The following DHTKD1 variants were observed in gnomAD, a reference collection of about 807,000 sequenced individuals.
DHTKD1 encodes 2-oxoadipate dehydrogenase complex component E1.
A neutral mutation model predicts 101.8 loss-of-function variants in DHTKD1; 78 were observed. The ratio of observed to expected loss-of-function variants is 0.77; its 90% CI spans 0.64 to 0.93. DHTKD1 has a LOEUF of 0.93. Ranked by LOEUF, DHTKD1 falls within the 40% of genes least tolerant of loss-of-function variation. DHTKD1 has a pLI of 0.00. For missense variants in DHTKD1, 1,223 were observed against 1,161.7 expected (o/e 1.05, Z -0.77); for synonymous variants, 462 against 450.3 (o/e 1.03, Z -0.33).
chr10:12,108,540 A>C (rs2131621358), intron 12 of DHTKD1, among the ~76,000 whole-genome samples: 1 of 152,276 alleles, frequency 6.6e-6, no homozygotes, highest in Non-Finnish European at 1.5e-5. Context: ...TCAGCTTCCC[A>C]AAGTGCTGGG....
At chr10:12,120,042 T>C in intron 15 of DHTKD1, 140 bp from the exon 16 acceptor site, 2 of 657,476 alleles carry the variant, frequency 3.0e-6, no homozygotes, top group East Asian at 2.6e-5. Context: ...TATGGGTACT[T>C]GAAGTACAGT....
intron 1 of DHTKD1, among the ~76,000 whole-genome samples, chr10:12,075,060 G>A (rs1360276898): frequency 2.0e-5 from 3 of 152,100 alleles, no homozygotes; most frequent in African/African-American, 4.8e-5. Flanking sequence ...GCAGTGAGCC[G>A]AGATGGTGCC....
At chr10:12,094,854 T>A (rs1833044811) in intron 7 of DHTKD1, among the ~76,000 whole-genome samples, 1 of 151,808 alleles carries the variant, frequency 6.6e-6, no homozygotes, top group Admixed American at 6.6e-5. Context: ...TTGGCTAGGC[T>A]GGTCTCAAAC....
At chr10:12,120,599 G>C (rs1833512345) in intron 16 of DHTKD1, among the ~76,000 whole-genome samples, 188 bp from the exon 17 acceptor site, 1 of 152,046 alleles carries the variant, frequency 6.6e-6, no homozygotes, top group South Asian at 2.1e-4. Context: ...GCCTCCCAAA[G>C]CGCTGGGATT....
At chr10:12,108,250 C>G (rs1056182776) in intron 12 of DHTKD1, among the ~76,000 whole-genome samples, 1 of 152,238 alleles carries the variant, frequency 6.6e-6, no homozygotes, top group South Asian at 2.1e-4. Flanking sequence ...TTATACCAGG[C>G]TGATCATCAG....
Position 12,094,214 on chromosome 10 carries a change from G to A in DHTKD1, c.1301G>A (p.Gly434Asp), listed in dbSNP as rs1833034843. Residue 434 changes from glycine to aspartate, a missense_variant, in exon 7 of 17, where the codon GGC becomes GAC. By Grantham distance (94) the Gly-to-Asp change is moderately conservative. Transcript: ENST00000263035. ...IIDLLCYRQW[G>D]HNELDEPFYT... is the part of the protein sequence containing the mutation. ...GATCTGTTGTGCTACAGGCAGTGGG[G>A]CCACAATGAGCTGGATGAGCCATTC... is the stretch of plus-strand genomic sequence containing the variant. 22 of 1,614,000 alleles carry A rather than the reference G, an allele frequency of 1.4e-5. No homozygotes were observed. The highest frequency in any genetic ancestry group is 1.9e-5 in the Non-Finnish European group (22 of 1,180,038).
chr10:12,078,342 C>T (rs1328676262), intron 1 of DHTKD1, among the ~76,000 whole-genome samples: 1 of 151,892 alleles, frequency 6.6e-6, no homozygotes, highest in Non-Finnish European at 1.5e-5. Flanking sequence ...GGAGAATTGC[C>T]TGAACCTGGG....
chr10:12,106,047 A>G (rs1217082717), intron 10 of DHTKD1, among the ~76,000 whole-genome samples, 199 bp from the exon 11 acceptor site: 1 of 152,180 alleles, frequency 6.6e-6, no homozygotes, highest in Non-Finnish European at 1.5e-5. Context: ...GTGAGCCGAG[A>G]TGGAGCCATT....
In DHTKD1 at chr10:12,069,175, G is replaced by C; in HGVS notation, c.142G>C (p.Glu48Gln). The change falls in exon 1 of 17, where the codon GAG becomes CAG. Residue 48 changes from glutamate (E) to glutamine (Q), a missense_variant. By Grantham distance (29) the Glu-to-Gln change is conservative (BLOSUM62 2). Transcript: ENST00000263035. ...PESREPQGALERPPVDHGLAR... is the reference protein window; with the variant it reads ...PESREPQGALQRPPVDHGLAR... ...GAGCCGCGAGCCCCAGGGCGCCCTG[G>C]AGCGCCCCCCAGGTCGGGGATGGGG... 6.4e-7 allele frequency: 1 copy of C among 1,554,814 alleles called. No individual in the cohort carries two copies.
chr10:12,108,110 A>G, intron 12 of DHTKD1, 95 bp downstream of exon 12: 1 of 832,006 alleles, frequency 1.2e-6, no homozygotes, highest in Admixed American at 2.4e-5. Context: ...CCTAACTGTA[A>G]CACAGCTTAG....
intron 10 of DHTKD1, among the ~76,000 whole-genome samples, chr10:12,104,750 C>G (rs573801013): frequency 6.6e-6 from 1 of 152,290 alleles, no homozygotes; most frequent in Admixed American, 6.5e-5. Context: ...TAGTTGCCAT[C>G]CTGGTGCCCC....
intron 12 of DHTKD1, among the ~76,000 whole-genome samples, chr10:12,112,117 C>T (rs1833342323): frequency 6.6e-6 from 1 of 152,000 alleles, no homozygotes. Flanking sequence ...GAGTTTGAGA[C>T]CAGCCTGGGC....
chr10:12,111,552 G>A (rs1729404643), intron 12 of DHTKD1, among the ~76,000 whole-genome samples: 2 of 152,216 alleles, frequency 1.3e-5, no homozygotes, highest in African/African-American at 4.8e-5. Context: ...ATGTAGGGGT[G>A]CTGATAGAAT....
intron 1 of DHTKD1, among the ~76,000 whole-genome samples, chr10:12,070,742 G>A (rs997532358): frequency 1.3e-5 from 2 of 152,182 alleles, no homozygotes; most frequent in African/African-American, 2.4e-5. Flanking sequence ...ACTGGCCTTG[G>A]CCTCCTAAAG....
At chr10:12,118,391 T>TC (rs1350515150) in intron 14 of DHTKD1, among the ~76,000 whole-genome samples, 1 of 150,408 alleles carries the variant, frequency 6.6e-6, no homozygotes, top group Non-Finnish European at 1.5e-5. Context: ...TTCTCTTTTT[T>TC]TTTTTTTTTG....
intron 12 of DHTKD1, among the ~76,000 whole-genome samples, 198 bp from the exon 13 acceptor site, chr10:12,112,702 A>C (rs971962971): frequency 6.6e-6 from 1 of 152,168 alleles, no homozygotes; most frequent in African/African-American, 2.4e-5. Context: ...GGGCCAGTGG[A>C]GAAAGCCATC....
chr10:12,115,759 G>A (rs1833406328), intron 13 of DHTKD1, among the ~76,000 whole-genome samples: 1 of 151,942 alleles, frequency 6.6e-6, no homozygotes, highest in African/African-American at 2.4e-5. Context: ...TTTTCTGATG[G>A]GGCTCTTTTT....
At chr10:12,112,091 G>A (rs557593240) in intron 12 of DHTKD1, among the ~76,000 whole-genome samples, 2 of 152,164 alleles carry the variant, frequency 1.3e-5, no homozygotes, top group East Asian at 3.9e-4. Context: ...GAGGCGGGAG[G>A]ATCGCTTGAA....
intron 1 of DHTKD1, among the ~76,000 whole-genome samples, chr10:12,075,943 CA>C (rs60158039): frequency 0.015 from 1,996 of 132,572 alleles, 18 homozygotes; most frequent in African/African-American, 0.017. Context: ...GACTCTGTCT[CA>C]AAAAAAAAAA....
Sources: gnomAD v4.1 joint callset for allele counts (sites outside exome capture counted in the v4.1 genomes callset) on GRCh38, gnomAD v4.1.1 for gene constraint, MANE v1.5 for transcripts, NCBI Gene and HGNC (gene_info 2026-07-23, HGNC 2026-07-21) for gene names.